Variants in KDM2B observed in about 807,000 individuals in gnomAD.
KDM2B encodes lysine demethylase 2B, also known as lysine-specific demethylase 2B.
Under a neutral mutation model 150.0 loss-of-function variants are expected in KDM2B, and 26 were observed. The ratio of observed to expected loss-of-function variants is 0.17; its 90% confidence interval spans 0.13 to 0.24. The LOEUF (loss-of-function observed/expected upper bound fraction) is 0.24. KDM2B is among the 10% of genes least tolerant of loss of function. The pLI is 1.00. For missense variants in KDM2B, 1,265 were observed against 1,816.9 expected (o/e 0.70, Z 5.52); for synonymous variants, 734 against 729.5 (o/e 1.01, Z -0.10).
At chr12:121,441,341 A>T in intron 19 of KDM2B, 108 bp from the exon 20 acceptor site, 4 of 1,082,722 alleles carry the variant, frequency 3.7e-6, no homozygotes, top group Admixed American at 2.3e-5. Context: ...AGGCTCCTTA[A>T]CTCAGCGCTC....
intron 6 of KDM2B, among the ~76,000 whole-genome samples, chr12:121,535,472 G>A (rs1218861793): frequency 1.3e-5 from 2 of 152,188 alleles, no homozygotes; most frequent in Non-Finnish European, 2.9e-5. Flanking sequence ...TGATGAAAAT[G>A]TTCTAAAATT....
At chr12:121,559,066 A>ACCTCAG (rs1890133328) in intron 4 of KDM2B, among the ~76,000 whole-genome samples, 1 of 152,072 alleles carries the variant, frequency 6.6e-6, no homozygotes, top group Non-Finnish European at 1.5e-5. Context: ...CGCTGACTAC[A>ACCTCAG]CCTCAGCCTG....
At position 121,561,482 on chromosome 12, in the gene KDM2B, C is replaced by T. The variant is rs111712326; in HGVS notation, c.398-11844G>A. 5.7e-3 allele frequency among the ~76,000 whole-genome samples: 869 copies of T among 152,310 alleles called. 2 individuals are homozygous for T. Among genetic ancestry groups the T allele is most frequent in the Middle Eastern group, 0.014 (4 of 294 alleles). On this transcript the variant is annotated intron_variant, in intron 4 of 22. Coordinates refer to ENST00000377071, the MANE Select transcript of KDM2B (RefSeq NM_032590.5). ...GGCCTGAGTTCGAGTGATACGCCCGCCTCAGCCTCCCAAAGTGCTGGGGTT... is the reference window on the plus strand; with the variant it reads ...GGCCTGAGTTCGAGTGATACGCCCGTCTCAGCCTCCCAAAGTGCTGGGGTT...
At chr12:121,578,975 G>A (rs1177559311) in intron 1 of KDM2B, 29 bp from the exon 2 acceptor site, 1 of 1,603,202 alleles carries the variant, frequency 6.2e-7, no homozygotes, top group Non-Finnish European at 8.5e-7. Flanking sequence ...GAGAGCCCGG[G>A]ACATTATTGT....
At chr12:121,555,216 T>G (rs2142139740) in intron 4 of KDM2B, among the ~76,000 whole-genome samples, 1 of 152,274 alleles carries the variant, frequency 6.6e-6, no homozygotes, top group South Asian at 2.1e-4. Flanking sequence ...CAATCCTATT[T>G]TATAAAAAAT....
intron 4 of KDM2B, among the ~76,000 whole-genome samples, chr12:121,561,595 C>T (rs1239429655): frequency 6.6e-6 from 1 of 152,172 alleles, no homozygotes; most frequent in African/African-American, 2.4e-5. Context: ...CCGCTCTGGC[C>T]TTGACCTCTC....
Position 121,430,500 on chromosome 12 carries a change from G to A in KDM2B, c.3830-31C>T, listed in dbSNP as rs781906550. ...GAGAAGAAATAGTAATGTGAGGTGTGAAGGCCAGGAGCCAGAAGCCCCCCC... is the reference window on the plus strand; with the variant it reads ...GAGAAGAAATAGTAATGTGAGGTGTAAAGGCCAGGAGCCAGAAGCCCCCCC... On this transcript the variant is annotated intron_variant, in intron 22 of 22. Transcript: ENST00000377071. The surrounding 1 kb of genome is among the most constrained non-coding windows in gnomAD (Gnocchi z 4.4). 11 of 1,572,960 alleles carry A rather than the reference G, an allele frequency of 7.0e-6. No homozygotes were observed. Among genetic ancestry groups the A allele is most frequent in the Non-Finnish European group, 9.6e-6 (11 of 1,143,038 alleles).
At chr12:121,555,678 T>A (rs1165386925) in intron 4 of KDM2B, among the ~76,000 whole-genome samples, 2 of 152,146 alleles carry the variant, frequency 1.3e-5, no homozygotes, top group African/African-American at 2.4e-5. Context: ...CTGGCCAAAA[T>A]TTTTTATAAG....
At chr12:121,512,123 C>A (rs1026629291) in intron 10 of KDM2B, among the ~76,000 whole-genome samples, 1 of 152,162 alleles carries the variant, frequency 6.6e-6, no homozygotes, top group African/African-American at 2.4e-5. Flanking sequence ...CCTCTGTCTC[C>A]GGGGGATCGT....
In KDM2B at chr12:121,549,095, C is replaced by A; in HGVS notation, c.577-112G>T. On this transcript the variant is annotated intron_variant, in intron 5 of 22. Transcript: ENST00000377071. This position sits in a 1 kb window ranked among gnomAD's most constrained non-coding sequence, Gnocchi z 4.4. ...CCCCGCTCCCCCAATCTACTGTGGG[C>A]TCAATAGTCCCAACATGGGAGGAAG... 1.3e-6 allele frequency: 1 copy of A among 772,118 alleles called. No individual in the cohort carries two copies. Among genetic ancestry groups the A allele is most frequent in the Non-Finnish European group, 2.2e-6 (1 of 461,744 alleles). 47.8% of individuals were successfully genotyped at this position (772,118 alleles called of 1,614,324 possible).
At chr12:121,493,468 G>A (rs1555300283) in intron 12 of KDM2B, among the ~76,000 whole-genome samples, 1 of 152,156 alleles carries the variant, frequency 6.6e-6, no homozygotes, top group Non-Finnish European at 1.5e-5. Context: ...GAAGCTGCGT[G>A]GAGGCAGACG....
chr12:121,420,920 C>A, the KDM2B span: 1 of 648,848 alleles, frequency 1.5e-6, no homozygotes, highest in Non-Finnish European at 2.7e-6. Flanking sequence ...TTACATGAGC[C>A]TGTTTATAGA....
At chr12:121,557,992 C>G (rs1890028981) in intron 4 of KDM2B, among the ~76,000 whole-genome samples, 2 of 152,300 alleles carry the variant, frequency 1.3e-5, no homozygotes, top group East Asian at 3.9e-4. Flanking sequence ...CGCAGTTTAC[C>G]TAGTAGCTTC....
At chr12:121,509,415 G>A (rs1885383838) in intron 11 of KDM2B, 152 bp downstream of exon 11, 1 of 1,401,116 alleles carries the variant, frequency 7.1e-7, no homozygotes, top group Non-Finnish European at 9.4e-7. Context: ...GGCTTTTGTG[G>A]ACTGAGACCC....
chr12:121,484,427 G>T (rs988198197), intron 12 of KDM2B, among the ~76,000 whole-genome samples: 3 of 152,168 alleles, frequency 2.0e-5, no homozygotes, highest in African/African-American at 7.2e-5. Context: ...CCCCAGCAAT[G>T]AAAGGAAGAT....
rs7955747 is a variant in KDM2B at position 121,487,301 on chromosome 12, T to A, written c.1734+7278A>T. On this transcript the variant is annotated intron_variant, in intron 12 of 22. Transcript: ENST00000377071. ...AGCAGCAGAACATTCTCTGTGGGCATTCGTTGATTGGAGGTTTTTATGGAC... is the reference window on the plus strand; with the variant it reads ...AGCAGCAGAACATTCTCTGTGGGCAATCGTTGATTGGAGGTTTTTATGGAC... Among the ~76,000 whole-genome samples, 17 of 152,164 alleles carry A rather than the reference T, an allele frequency of 1.1e-4. No homozygotes were observed. The East Asian group carries it at 3.3e-3, about 29-fold the overall frequency.
rs782344152 is a variant in KDM2B, at chr12:121,513,008, C to T, written c.1174+268G>A. Among the ~76,000 whole-genome samples, 3 of 142,644 alleles carry T rather than the reference C, an allele frequency of 2.1e-5. No homozygotes were observed. Among genetic ancestry groups the T allele is most frequent in the Middle Eastern group, 4.2e-3 (1 of 236 alleles). 93.6% of individuals were successfully genotyped at this position (142,644 alleles called of 152,430 possible). A position where few individuals can be genotyped will look rare whatever the true frequency, so the allele number is the denominator to read the frequency against. On this transcript the variant is annotated intron_variant, in intron 10 of 22. Transcript: ENST00000377071. This position sits in a 1 kb window ranked among gnomAD's most constrained non-coding sequence, Gnocchi z 5.0. The stretch of plus-strand genomic sequence containing the variant: ...GTGATCCCGTTTTAGCAGCCAAGCC[C>T]GGGGCGGCCCCAACCTGCATCTACA...
chr12:121,413,328 G>A, the KDM2B span, among the ~76,000 whole-genome samples: 165 of 151,958 alleles, frequency 1.1e-3, no homozygotes, highest in Non-Finnish European at 1.9e-3. Context: ...AGCCTGGCCA[G>A]ATTTTCATGC....
rs1339419809 is a variant in KDM2B, at chr12:121,575,010, A to G, written c.351-417T>C. ...CATGAGGAGTTTTATGCAAAGTGGG[A>G]CGGACCCCTTTAAGTTCAGAGGGAA... is the stretch of plus-strand genomic sequence containing the variant. On this transcript the variant is annotated intron_variant, in intron 3 of 22. Transcript: ENST00000377071. The surrounding 1 kb of genome is among the most constrained non-coding windows in gnomAD (Gnocchi z 4.4). Among the ~76,000 whole-genome samples, 2 of 152,196 alleles carry G rather than the reference A, an allele frequency of 1.3e-5. No homozygotes were observed. Among genetic ancestry groups the G allele is most frequent in the Non-Finnish European group, 2.9e-5 (2 of 68,038 alleles).
Sources: allele counts gnomAD v4.1 joint callset (sites outside exome capture counted in the v4.1 genomes callset), GRCh38; gene constraint gnomAD v4.1.1; non-coding constraint Gnocchi (gnomAD v3.1); transcripts MANE v1.5; gene names NCBI Gene and HGNC (gene_info 2026-07-23, HGNC 2026-07-21).